The following IPCEF1 variants were observed in gnomAD, a reference collection of about 807,000 sequenced individuals.
IPCEF1 encodes the protein interaction protein for cytohesin exchange factors 1.
In IPCEF1, 31 loss-of-function variants were observed where a neutral mutation model predicts 50.9. That is an observed-to-expected ratio of 0.61 (90% CI 0.46 to 0.82). IPCEF1 has a LOEUF of 0.82. Among genes scored for constraint, IPCEF1 ranks in the 40% least tolerant of loss-of-function variants. The pLI, the probability that IPCEF1 is intolerant of heterozygous loss-of-function variation, is 0.00. For synonymous variants in IPCEF1, 181 were observed against 192.0 expected, an observed-to-expected ratio of 0.94 and a Z score of 0.47; for missense variants, 458 against 514.0, an observed-to-expected ratio of 0.89 and a Z score of 1.05.
Position 154,317,548 on chromosome 6 carries a change from CAAAAAAAAAAAAAA to C in IPCEF1, c.-61-27806_-61-27793del, listed in dbSNP as rs71021041. On this transcript the variant is annotated intron_variant, in intron 1 of 11. Coordinates refer to ENST00000367220, the MANE Select transcript of IPCEF1 (RefSeq NM_001130700.2). ...TGGGCGACAGTGAGAGACTCCATCT[CAAAAAAAAAAAAAA>C]AAAAAAAAAAAAAGCAAATGACTCA... Among the ~76,000 whole-genome samples the C allele has an allele frequency of 5.0e-3, 82 of 16,320 alleles. 1 individual carries two copies. The highest frequency in any genetic ancestry group is 0.024 in the African/African-American group (79 of 3,330). The allele number at this position is 16,320 out of a possible 152,430, so 10.7% of individuals were successfully genotyped here. A position where few individuals can be genotyped will look rare whatever the true frequency, so the allele number is the denominator to read the frequency against.
At chr6:154,231,553 C>T (rs1187407612) in intron 5 of IPCEF1, among the ~76,000 whole-genome samples, 2 of 152,166 alleles carry the variant, frequency 1.3e-5, no homozygotes, top group Non-Finnish European at 1.5e-5. Context: ...CTATGAAAAA[C>T]GCCATACAAC....
chr6:154,246,361 C>G (rs939457269), intron 5 of IPCEF1, among the ~76,000 whole-genome samples: 1 of 152,202 alleles, frequency 6.6e-6, no homozygotes, highest in Non-Finnish European at 1.5e-5. Context: ...TGTCGACACT[C>G]CCTTCCTCCC....
intron 1 of IPCEF1, among the ~76,000 whole-genome samples, chr6:154,327,873 T>C (rs1242338100): frequency 1.3e-5 from 2 of 152,192 alleles, no homozygotes; most frequent in African/African-American, 4.8e-5. Context: ...ATATACACCA[T>C]GGAATACTAG....
intron 2 of IPCEF1, among the ~76,000 whole-genome samples, chr6:154,279,772 T>C (rs1475401017): frequency 6.6e-6 from 1 of 152,194 alleles, no homozygotes; most frequent in East Asian, 1.9e-4. Context: ...ATAACATGCA[T>C]GAGGCCATGC....
At chr6:154,191,053 C>G (rs1007883232) in intron 10 of IPCEF1, among the ~76,000 whole-genome samples, 3 of 151,750 alleles carry the variant, frequency 2.0e-5, no homozygotes, top group African/African-American at 7.3e-5. Context: ...GAGACTCCAT[C>G]TCAAAAAAAG....
intron 3 of IPCEF1, among the ~76,000 whole-genome samples, chr6:154,255,077 C>A (rs1781430047): frequency 6.6e-6 from 1 of 151,996 alleles, no homozygotes; most frequent in South Asian, 2.1e-4. Context: ...TATTATTATT[C>A]TTAATCATAA....
In IPCEF1 at chr6:154,214,241, T is replaced by G. The variant is rs2128607858; in HGVS notation, c.428A>C (p.Gln143Pro). Residue 143 changes from glutamine to proline, a missense_variant, in exon 8 of 12, where the codon CAG becomes CCG. Coordinates refer to ENST00000367220, the MANE Select transcript of IPCEF1 (RefSeq NM_001130700.2). ...LNKLGSAVIHQESTTKDEECY... is the reference protein window; with the variant it reads ...LNKLGSAVIHPESTTKDEECY... ...ACCTTCATCCTTTGTAGTGGATTCCTGATGGATTACAGCCGATCCAAGTTT... is the reference window on the plus strand; with the variant it reads ...ACCTTCATCCTTTGTAGTGGATTCCGGATGGATTACAGCCGATCCAAGTTT... 6.2e-7 allele frequency: 1 copy of G among 1,610,906 alleles called. No homozygotes were observed. The highest frequency in any genetic ancestry group is 8.5e-7 in the Non-Finnish European group (1 of 1,177,032).
intron 5 of IPCEF1, among the ~76,000 whole-genome samples, chr6:154,235,457 GGAGGCA>G (rs1780043587): frequency 6.6e-6 from 1 of 150,862 alleles, no homozygotes; most frequent in Non-Finnish European, 1.5e-5. Context: ...CTTGAACCCG[GGAGGCA>G]GAGGTCACAG....
At chr6:154,195,748 T>C (rs935849402) in intron 10 of IPCEF1, among the ~76,000 whole-genome samples, 1 of 152,022 alleles carries the variant, frequency 6.6e-6, no homozygotes, top group African/African-American at 2.4e-5. Context: ...CTCAGCCCAT[T>C]AGGTGTTAAC....
chr6:154,330,737 G>C (rs1380514841), intron 1 of IPCEF1, among the ~76,000 whole-genome samples: 1 of 152,084 alleles, frequency 6.6e-6, no homozygotes, highest in Non-Finnish European at 1.5e-5. Flanking sequence ...CTGTGGAACT[G>C]GGCCTTCCTA....
chr6:154,332,056 C>A (rs181696987), intron 1 of IPCEF1, among the ~76,000 whole-genome samples: 1 of 152,172 alleles, frequency 6.6e-6, no homozygotes, highest in African/African-American at 2.4e-5. Context: ...CTCCCTTATG[C>A]CCCTCAGCCA....
At chr6:154,282,560 A>G (rs938283060) in intron 2 of IPCEF1, among the ~76,000 whole-genome samples, 3 of 151,498 alleles carry the variant, frequency 2.0e-5, no homozygotes, top group Non-Finnish European at 2.9e-5. Flanking sequence ...GGTGGCGGGC[A>G]CCTGTAGTCC....
At chr6:154,189,327 T>C (rs1170318522) in intron 10 of IPCEF1, among the ~76,000 whole-genome samples, 1 of 152,186 alleles carries the variant, frequency 6.6e-6, no homozygotes, top group Non-Finnish European at 1.5e-5. Context: ...AGCAATTTCA[T>C]CTAGTAAAGT....
chr6:154,173,350 G>T (rs1462746180), intron 10 of IPCEF1, among the ~76,000 whole-genome samples: 1 of 152,144 alleles, frequency 6.6e-6, no homozygotes, highest in African/African-American at 2.4e-5. Context: ...GGCTTCAGAA[G>T]GTGGGTAATA....
chr6:154,286,267 C>T (rs1237536768), intron 2 of IPCEF1, among the ~76,000 whole-genome samples: 2 of 152,202 alleles, frequency 1.3e-5, no homozygotes, highest in East Asian at 1.9e-4. Context: ...ACCTAGATGA[C>T]GGGTTGATAG....
rs1349129490 is a variant in IPCEF1 at position 154,167,037 on chromosome 6, G to C, written c.1104+883C>G. 7.2e-5 allele frequency among the ~76,000 whole-genome samples: 11 copies of C among 152,282 alleles called. No individual in the cohort carries two copies. In the East Asian group the frequency reaches 7.7e-4, roughly 11 times the overall value. On this transcript the variant is annotated intron_variant, in intron 11 of 11. Transcript: ENST00000367220. Reference sequence around the variant, plus strand: ...TACTGACTAACTGGGACGCCTAAGAGCCACTCAGCCTGCCTTTGTAGCCTT... The same window carrying C: ...TACTGACTAACTGGGACGCCTAAGACCCACTCAGCCTGCCTTTGTAGCCTT...
At chr6:154,294,853 C>T (rs1222267909) in intron 1 of IPCEF1, among the ~76,000 whole-genome samples, 1 of 152,084 alleles carries the variant, frequency 6.6e-6, no homozygotes, top group Non-Finnish European at 1.5e-5. Flanking sequence ...CCCTGGACAA[C>T]AGAGTGAAAC....
rs542151774 is a variant in IPCEF1, at chr6:154,257,433, T to C, written c.36+8479A>G. Among the ~76,000 whole-genome samples, 3 of 152,366 alleles carry C rather than the reference T, an allele frequency of 2.0e-5. No homozygotes were observed. In the East Asian group the frequency reaches 5.8e-4, roughly 29 times the overall value. ...GGCTTCAGTCATGCTACACTTTTCA[T>C]TTCTGATCCACAGAGATGCTTACCA... On this transcript the variant is annotated intron_variant, in intron 3 of 11. Transcript: ENST00000367220.
At chr6:154,196,530 A>T (rs1262269867) in intron 10 of IPCEF1, among the ~76,000 whole-genome samples, 1 of 152,182 alleles carries the variant, frequency 6.6e-6, no homozygotes, top group African/African-American at 2.4e-5. Flanking sequence ...GCTGACATGC[A>T]GCTTTTCAGC....
Sources: gnomAD v4.1 joint callset for allele counts (sites outside exome capture counted in the v4.1 genomes callset) on GRCh38, gnomAD v4.1.1 for gene constraint, MANE v1.5 for transcripts, NCBI Gene and HGNC (gene_info 2026-07-23, HGNC 2026-07-21) for gene names.